SNCAIP: variants seen among roughly 807,000 people sequenced by gnomAD.
SNCAIP encodes synphilin-1.
Under a neutral mutation model 86.7 loss-of-function variants are expected in SNCAIP, and 43 were observed. That is an observed-to-expected ratio of 0.50 (90% CI 0.39 to 0.64). SNCAIP has a LOEUF of 0.64. Among genes scored for constraint, SNCAIP ranks in the 30% least tolerant of loss-of-function variants. The pLI is 0.00. For synonymous variants in SNCAIP, 417 were observed against 427.2 expected, an observed-to-expected ratio of 0.98 and a Z score of 0.29; for missense variants, 981 against 1,103.1, an observed-to-expected ratio of 0.89 and a Z score of 1.57.
At chr5:122,341,699 G>C (rs1757629226) in intron 1 of SNCAIP, among the ~76,000 whole-genome samples, 1 of 152,122 alleles carries the variant, frequency 6.6e-6, no homozygotes, top group African/African-American at 2.4e-5. Context: ...CTCCTCAAAA[G>C]AGCAGTAGAG....
Position 122,450,995 on chromosome 5 carries a change from C to G in SNCAIP, c.2148C>G (p.Ser716Arg), listed in dbSNP as rs536468779. ...TAGAGAGTATGGACAGCGCAGAAAG[C>G]CTGCACCTGATGATTAAGAAACACA... Reference protein sequence around the residue: ...ESVESMDSAESLHLMIKKHTL... With the variant: ...ESVESMDSAERLHLMIKKHTL... The change falls in exon 10 of 11, where the codon AGC becomes AGG. Residue 716 changes from serine (S) to arginine (R), a missense_variant. By Grantham distance (110) the Ser-to-Arg change is moderately radical (BLOSUM62 -1). Transcript: ENST00000261368. The G allele has an allele frequency of 1.9e-6, 3 of 1,614,124 alleles. No individual in the cohort carries two copies. The highest frequency in any genetic ancestry group is 2.5e-6 in the Non-Finnish European group (3 of 1,180,020).
At chr5:122,337,179 T>G (rs555045124) in intron 1 of SNCAIP, among the ~76,000 whole-genome samples, 1 of 152,164 alleles carries the variant, frequency 6.6e-6, no homozygotes, top group African/African-American at 2.4e-5. Flanking sequence ...ATACTGCACA[T>G]ATATTGTGGG....
intron 1 of SNCAIP, among the ~76,000 whole-genome samples, chr5:122,353,273 TG>T (rs1370142497): frequency 2.6e-5 from 4 of 152,064 alleles, no homozygotes; most frequent in Admixed American, 6.6e-5. Flanking sequence ...ACCAATCTAT[TG>T]TGTTGGGATT....
chr5:122,453,500 G>A (rs571857086), intron 10 of SNCAIP, among the ~76,000 whole-genome samples: 3 of 152,268 alleles, frequency 2.0e-5, no homozygotes, highest in South Asian at 2.1e-4. Flanking sequence ...TTATGAACAC[G>A]ATTTCAGTCC....
chr5:122,431,428 A>C lies in SNCAIP; in HGVS notation c.1183-541A>C, dbSNP rs534269718. On this transcript the variant is annotated intron_variant, in intron 5 of 10. Transcript: ENST00000261368. ...ACTTCTCAGCAATAGAAAAGGAATA[A>C]ATTACTGATACAAGCAGTAGCTTGG... Among the ~76,000 whole-genome samples the C allele has an allele frequency of 4.5e-4, 68 of 152,282 alleles. 1 individual carries two copies. In the South Asian group the frequency reaches 0.011, roughly 25 times the overall value.
chr5:122,409,793 T>C (rs1561694394), intron 3 of SNCAIP, among the ~76,000 whole-genome samples: 1 of 152,254 alleles, frequency 6.6e-6, no homozygotes, highest in Non-Finnish European at 1.5e-5. Context: ...ATTTGTCCTG[T>C]AGATGCTGTT....
At chr5:122,411,891 A>T (rs1581083660) in intron 3 of SNCAIP, among the ~76,000 whole-genome samples, 1 of 152,188 alleles carries the variant, frequency 6.6e-6, no homozygotes, top group South Asian at 2.1e-4. Flanking sequence ...AGTGAGGCAC[A>T]GTGATCTTTT....
chr5:122,413,561 G>C (rs1774598903), intron 3 of SNCAIP, among the ~76,000 whole-genome samples: 1 of 151,944 alleles, frequency 6.6e-6, no homozygotes, highest in South Asian at 2.1e-4. Context: ...ATCATTGTCT[G>C]AGCAGGATTA....
In SNCAIP at chr5:122,411,731, G is replaced by A. The variant is rs149358151; in HGVS notation, c.130+7866G>A. Among the ~76,000 whole-genome samples, 182 of 152,146 alleles carry A rather than the reference G, an allele frequency of 1.2e-3. 1 individual carries two copies. Among genetic ancestry groups the A allele is most frequent in the African/African-American group, 2.8e-3 (115 of 41,488 alleles). ...CAGGACTCACCCCAGCACCGTAAGC[G>A]TCAGCATCACCCAGGAGGTTGTGAG... On this transcript the variant is annotated intron_variant, in intron 3 of 10. Transcript: ENST00000261368.
chr5:122,404,316 A>T (rs1308599610), intron 3 of SNCAIP, among the ~76,000 whole-genome samples: 3 of 152,242 alleles, frequency 2.0e-5, no homozygotes, highest in Non-Finnish European at 4.4e-5. Context: ...TAGAATCTGC[A>T]ATAAGGCATA....
chr5:122,462,168 C>T (rs1193131836), intron 10 of SNCAIP, among the ~76,000 whole-genome samples: 1 of 152,110 alleles, frequency 6.6e-6, no homozygotes, highest in Non-Finnish European at 1.5e-5. Flanking sequence ...TTGCTATCAT[C>T]TTCAGAAGTA....
chr5:122,414,305 AC>A lies in SNCAIP; in HGVS notation c.131-8562del, dbSNP rs200348485. ...GAGTGCAATGGCACAATCTCAGCTCACTGCAACCTCCATCTCCCAAGTTCAA... is the reference window on the plus strand; with the variant it reads ...GAGTGCAATGGCACAATCTCAGCTCATGCAACCTCCATCTCCCAAGTTCAA... On this transcript the variant is annotated intron_variant, in intron 3 of 10. Coordinates refer to ENST00000261368, the MANE Select transcript of SNCAIP (RefSeq NM_005460.4). Among the ~76,000 whole-genome samples the A allele has an allele frequency of 8.6e-3, 1,292 of 150,114 alleles. 11 individuals are homozygous for A. The highest frequency in any genetic ancestry group is 0.019 in the Admixed American group (284 of 15,000).
intron 2 of SNCAIP, 28 bp from the exon 3 acceptor site, chr5:122,403,765 G>A (rs1213794815): frequency 3.2e-6 from 5 of 1,566,654 alleles, no homozygotes; most frequent in Non-Finnish European, 4.4e-6. Flanking sequence ...ATTATTTTAT[G>A]CCCTCTCTTC....
Position 122,391,077 on chromosome 5 carries a change from T to C in SNCAIP, c.-46-12T>C, listed in dbSNP as rs1293709628. 3.5e-6 allele frequency: 5 copies of C among 1,429,670 alleles called. No homozygotes were observed. Among genetic ancestry groups the C allele is most frequent in the Non-Finnish European group, 4.9e-6 (5 of 1,012,150 alleles). The allele number at this position is 1,429,670 out of a possible 1,614,324, so 88.6% of individuals were successfully genotyped here. On this transcript the variant is annotated splice_polypyrimidine_tract_variant and intron_variant, in intron 1 of 10. Transcript: ENST00000261368. ...TTTTTTTGCCTTTCTTTTCTGCTTC[T>C]GTCTCGTTCAGGAATTTATAAGTAT...
At chr5:122,388,360 T>C (rs1768640286) in intron 1 of SNCAIP, among the ~76,000 whole-genome samples, 1 of 152,166 alleles carries the variant, frequency 6.6e-6, no homozygotes, top group South Asian at 2.1e-4. Flanking sequence ...TCTGTAGCTG[T>C]GCTTTCTGTT....
intron 2 of SNCAIP, chr5:122,400,945 T>A: frequency 1.3e-6 from 2 of 1,512,120 alleles, no homozygotes; most frequent in Non-Finnish European, 1.8e-6. Flanking sequence ...GTAATGCTTC[T>A]TCATTAACTG....
At chr5:122,384,839 A>G (rs28733794) in intron 1 of SNCAIP, among the ~76,000 whole-genome samples, 28,863 of 152,124 alleles carry the variant, frequency 0.19, 3,560 homozygotes, top group African/African-American at 0.35. Context: ...TCTGGCTTTG[A>G]AAATACTCCC....
chr5:122,400,926 A>T, intron 2 of SNCAIP: 2 of 1,453,630 alleles, frequency 1.4e-6, no homozygotes, highest in Non-Finnish European at 1.8e-6. Flanking sequence ...AATTATAGAG[A>T]TAGAAAATGT....
chr5:122,382,930 C>G (rs1471506324), intron 1 of SNCAIP, among the ~76,000 whole-genome samples: 2 of 152,150 alleles, frequency 1.3e-5, no homozygotes, highest in Non-Finnish European at 2.9e-5. Flanking sequence ...CTGGGAGAAC[C>G]ACTGCTCTCT....
Sources: allele counts gnomAD v4.1 joint callset (sites outside exome capture counted in the v4.1 genomes callset), GRCh38; gene constraint gnomAD v4.1.1; transcripts MANE v1.5; gene names NCBI Gene and HGNC (gene_info 2026-07-23, HGNC 2026-07-21).